Variants in EIF4G3 observed in about 807,000 individuals in gnomAD.
EIF4G3 encodes eukaryotic translation initiation factor 4 gamma 3, also known as eIF-4-gamma 3.
EIF4G3 carries 34 observed loss-of-function variants against 186.4 expected under a neutral mutation model. The observed-to-expected ratio is 0.18, with a 90% CI of 0.14 to 0.24. The LOEUF is 0.24. EIF4G3 is among the 10% of genes least tolerant of loss of function. EIF4G3 has a pLI of 1.00. For synonymous variants in EIF4G3, 673 were observed against 679.5 expected (o/e 0.99, Z 0.15); for missense variants, 1,536 against 1,948.5 (o/e 0.79, Z 3.99).
intron 18 of EIF4G3, among the ~76,000 whole-genome samples, chr1:20,890,096 C>G (rs1418412845): frequency 1.3e-5 from 2 of 151,778 alleles, no homozygotes; most frequent in Non-Finnish European, 2.9e-5. Context: ...CCTCAGTCTT[C>G]TGAGTAGCTG....
Position 20,862,373 on chromosome 1 carries a change from T to G in EIF4G3, c.3007-41A>C, listed in dbSNP as rs1293225250. On this transcript the variant is annotated intron_variant, in intron 22 of 36. Coordinates refer to ENST00000602326, the MANE Select transcript of EIF4G3 (RefSeq NM_001391906.1). ...TCATTAGTACTCCTGTCTGAGAAAC[T>G]TAAACGTAATTTTACCAATTTACAG... The G allele has an allele frequency of 6.5e-6, 8 of 1,236,946 alleles. No homozygotes were observed. In the Admixed American group the frequency reaches 1.1e-4, roughly 17 times the overall value. The allele number at this position is 1,236,946 out of a possible 1,614,324, so 76.6% of individuals were successfully genotyped here.
intron 3 of EIF4G3, among the ~76,000 whole-genome samples, chr1:21,073,156 T>C (rs928013471): frequency 7.9e-5 from 12 of 152,286 alleles, no homozygotes; most frequent in African/African-American, 2.4e-4. Context: ...CTAATAAATA[T>C]GAGTATTTTC....
chr1:20,877,977 G>A (rs983384710), intron 20 of EIF4G3, among the ~76,000 whole-genome samples: 3 of 152,084 alleles, frequency 2.0e-5, no homozygotes, highest in African/African-American at 7.2e-5. Context: ...TCAAGTAGCT[G>A]GGATTACAGG....
At chr1:20,874,706 T>G (rs1215368459) in intron 20 of EIF4G3, among the ~76,000 whole-genome samples, 2 of 152,214 alleles carry the variant, frequency 1.3e-5, no homozygotes, top group Non-Finnish European at 2.9e-5. Context: ...CATCAAAGAT[T>G]ATAAATTTTA....
chr1:21,117,603 G>A (rs2096847564), intron 2 of EIF4G3, among the ~76,000 whole-genome samples: 1 of 151,756 alleles, frequency 6.6e-6, no homozygotes, highest in South Asian at 2.1e-4. Flanking sequence ...ATAAGACTGA[G>A]GGAGGTAAGA....
chr1:21,029,727 G>A lies in EIF4G3; in HGVS notation c.-67+21139C>T, dbSNP rs115661960. Among the ~76,000 whole-genome samples the A allele has an allele frequency of 6.4e-3, 976 of 152,280 alleles. 8 individuals are homozygous for A. Among genetic ancestry groups the A allele is most frequent in the African/African-American group, 0.022 (921 of 41,550 alleles). ...TAAGAGAAAGTGAAGGCAGAAAGGG[G>A]CTGCCATCTTGAGAAAAGAAATGGA... On this transcript the variant is annotated intron_variant, in intron 4 of 36. Transcript: ENST00000602326.
chr1:20,896,066 G>A (rs1286137154), intron 16 of EIF4G3, among the ~76,000 whole-genome samples: 3 of 152,040 alleles, frequency 2.0e-5, no homozygotes, highest in African/African-American at 7.3e-5. Context: ...ATAGGCCTAG[G>A]CTAATATATG....
chr1:21,145,088 G>C (rs1257578134), intron 2 of EIF4G3, among the ~76,000 whole-genome samples: 1 of 151,814 alleles, frequency 6.6e-6, no homozygotes, highest in African/African-American at 2.4e-5. Context: ...AGACCAGCCT[G>C]GGCAACATAG....
At chr1:20,943,323 T>C (rs1325034107) in intron 13 of EIF4G3, among the ~76,000 whole-genome samples, 2 of 152,220 alleles carry the variant, frequency 1.3e-5, no homozygotes, top group Non-Finnish European at 1.5e-5. Context: ...TTTGATATAA[T>C]ATACAAAAAT....
At chr1:20,950,653 A>G (rs1455294698) in intron 12 of EIF4G3, among the ~76,000 whole-genome samples, 2 of 152,204 alleles carry the variant, frequency 1.3e-5, no homozygotes, top group Non-Finnish European at 2.9e-5. Flanking sequence ...AGTATGTAAT[A>G]AAGCAATTTT....
intron 30 of EIF4G3, among the ~76,000 whole-genome samples, chr1:20,834,127 CA>C (rs1344022005): frequency 6.6e-6 from 1 of 152,030 alleles, no homozygotes; most frequent in East Asian, 1.9e-4. Flanking sequence ...ATTTTCCAAT[CA>C]AAAGACTGAG....
At chr1:20,866,159 A>AT (rs774082830) in intron 20 of EIF4G3, among the ~76,000 whole-genome samples, 5 of 152,152 alleles carry the variant, frequency 3.3e-5, no homozygotes, top group African/African-American at 7.2e-5. Flanking sequence ...TGCCCTAGGT[A>AT]TAACAGAAGA....
intron 8 of EIF4G3, 43 bp from the exon 9 acceptor site, chr1:20,981,270 C>T (rs1222578381): frequency 4.0e-6 from 5 of 1,258,900 alleles, no homozygotes; most frequent in Non-Finnish European, 5.4e-6. Context: ...TTTTTTAACA[C>T]AGGGGAATAT....
chr1:21,116,018 CCAGA>C (rs2096814985), intron 2 of EIF4G3, among the ~76,000 whole-genome samples: 1 of 152,040 alleles, frequency 6.6e-6, no homozygotes, highest in Admixed American at 6.6e-5. Context: ...GCCACTGTGC[CCAGA>C]CAATTTAAAG....
Position 20,945,676 on chromosome 1 carries a change from G to A in EIF4G3, c.824-3346C>T, listed in dbSNP as rs192198061. Among the ~76,000 whole-genome samples, 132 of 152,248 alleles carry A rather than the reference G, an allele frequency of 8.7e-4. No individual in the cohort carries two copies. The Middle Eastern group carries it at 0.01, about 12-fold the overall frequency. On this transcript the variant is annotated intron_variant, in intron 13 of 36. Transcript: ENST00000602326. ...AGACAGGGTATCGCTATGTTACTCAGCTGGTCTTGAATTCTTGAGCTCAAG... is the reference window on the plus strand; with the variant it reads ...AGACAGGGTATCGCTATGTTACTCAACTGGTCTTGAATTCTTGAGCTCAAG...
intron 7 of EIF4G3, among the ~76,000 whole-genome samples, chr1:20,994,081 T>C (rs890568984): frequency 2.0e-5 from 3 of 152,242 alleles, no homozygotes; most frequent in Non-Finnish European, 2.9e-5. Flanking sequence ...GGTTTTCTTT[T>C]GTTTTGCTTT....
chr1:21,116,446 G>A (rs1343502484), intron 2 of EIF4G3, among the ~76,000 whole-genome samples: 2 of 152,122 alleles, frequency 1.3e-5, no homozygotes, highest in Admixed American at 6.6e-5. Context: ...ACTTGTCTAG[G>A]AGGGAAATTT....
At chr1:21,077,287 G>C (rs1370303491) in intron 3 of EIF4G3, among the ~76,000 whole-genome samples, 3 of 151,708 alleles carry the variant, frequency 2.0e-5, no homozygotes, top group Non-Finnish European at 4.4e-5. Flanking sequence ...TGTAGTCCCA[G>C]CTACTCAGGA....
At chr1:21,137,927 CAAAGA>C (rs1390120394) in intron 2 of EIF4G3, among the ~76,000 whole-genome samples, 1 of 151,012 alleles carries the variant, frequency 6.6e-6, no homozygotes, top group East Asian at 2.0e-4. Flanking sequence ...AAAAAGCAAA[CAAAGA>C]AAAGACCTAC....
Sources: gnomAD v4.1 joint callset for allele counts (sites outside exome capture counted in the v4.1 genomes callset) on GRCh38, gnomAD v4.1.1 for gene constraint, MANE v1.5 for transcripts, NCBI Gene and HGNC (gene_info 2026-07-23, HGNC 2026-07-21) for gene names.